Variants in DAB1 observed in about 807,000 individuals in gnomAD.
DAB1 encodes DAB adaptor protein 1.
DAB1 carries 15 observed loss-of-function variants against 64.6 expected under a neutral mutation model. The ratio of observed to expected loss-of-function variants is 0.23; its 90% confidence interval spans 0.16 to 0.36. The LOEUF is 0.36. Ranked by LOEUF, DAB1 falls within the 10% of genes least tolerant of loss-of-function variation. DAB1 has a pLI of 1.00. For missense variants in DAB1, 596 were observed against 706.7 expected, an observed-to-expected ratio of 0.84 and a Z score of 1.78; for synonymous variants, 235 against 251.9, an observed-to-expected ratio of 0.93 and a Z score of 0.64.
intron 6 of DAB1, among the ~76,000 whole-genome samples, chr1:57,686,927 C>G (rs766814552): frequency 2.6e-5 from 4 of 152,154 alleles, no homozygotes; most frequent in Non-Finnish European, 2.9e-5. Flanking sequence ...GACAAACCCA[C>G]AGCCAACATC....
chr1:57,616,934 C>T (rs1440880535), intron 7 of DAB1, among the ~76,000 whole-genome samples: 1 of 152,160 alleles, frequency 6.6e-6, no homozygotes, highest in Non-Finnish European at 1.5e-5. Flanking sequence ...TAGAGCCAAA[C>T]TGTGGAGGAA....
intron 5 of DAB1, among the ~76,000 whole-genome samples, chr1:57,954,102 T>C (rs561239183): frequency 6.6e-5 from 10 of 152,144 alleles, no homozygotes; most frequent in Non-Finnish European, 1.5e-4. Context: ...TCTATGTGCT[T>C]CCAGTGGGGA....
rs147759034 is a variant in DAB1, at chr1:57,038,941, G to T, written c.724-12898C>A. Among the ~76,000 whole-genome samples, 16 of 152,302 alleles carry T rather than the reference G, an allele frequency of 1.1e-4. No individual in the cohort carries two copies. In the South Asian group the frequency reaches 3.1e-3, roughly 30 times the overall value. On this transcript the variant is annotated intron_variant, in intron 9 of 14. Coordinates refer to ENST00000371236, the MANE Select transcript of DAB1 (RefSeq NM_001365792.1). The stretch of plus-strand genomic sequence containing the variant: ...GCTAAGCTGACCTGAACGGGCTAAC[G>T]CAAATGACAGGGCATAGCTGTGGGT...
intron 4 of DAB1, among the ~76,000 whole-genome samples, chr1:57,082,407 G>A (rs1425918600): frequency 6.6e-6 from 1 of 152,164 alleles, no homozygotes; most frequent in Non-Finnish European, 1.5e-5. Context: ...AGACACACGT[G>A]CTTAGAAGTG....
At chr1:57,298,640 GA>G (rs932274853) in intron 1 of DAB1, among the ~76,000 whole-genome samples, 1 of 147,788 alleles carries the variant, frequency 6.8e-6, no homozygotes, top group African/African-American at 2.5e-5. Context: ...CCCACGTTAT[GA>G]AAAAAAAACA....
chr1:57,970,016 T>A (rs78195940), intron 5 of DAB1, among the ~76,000 whole-genome samples: 1,719 of 152,198 alleles, frequency 0.011, 35 homozygotes, highest in African/African-American at 0.04. Flanking sequence ...TCTAATGAGA[T>A]GAAAGAGACT....
At chr1:58,266,658 A>G (rs183474514) in intron 4 of DAB1, among the ~76,000 whole-genome samples, 13 of 152,278 alleles carry the variant, frequency 8.5e-5, no homozygotes, top group African/African-American at 3.1e-4. Flanking sequence ...TTCTCACCCA[A>G]TCCTCCTAAG....
intron 1 of DAB1, chr1:58,539,148 C>T (rs780574526): frequency 4.6e-6 from 4 of 872,948 alleles, no homozygotes; most frequent in East Asian, 2.4e-5. Flanking sequence ...GTCCCTGATA[C>T]TTATTTACTA....
chr1:57,105,249 C>G (rs1489011855), intron 4 of DAB1, among the ~76,000 whole-genome samples: 2 of 151,898 alleles, frequency 1.3e-5, no homozygotes, highest in Non-Finnish European at 2.9e-5. Context: ...ATGGCAAGAA[C>G]ACACTGGGAT....
At chr1:58,394,276 T>C (rs338929) in intron 3 of DAB1, among the ~76,000 whole-genome samples, 10,979 of 152,318 alleles carry the variant, frequency 0.072, 534 homozygotes, top group Non-Finnish European at 0.11. Context: ...TAATGGAGAA[T>C]GCTACAGAAC....
intron 6 of DAB1, among the ~76,000 whole-genome samples, chr1:57,743,659 G>T (rs926094072): frequency 6.6e-6 from 1 of 152,098 alleles, no homozygotes; most frequent in East Asian, 1.9e-4. Context: ...GGTGTGTGCC[G>T]AGCTTCACCT....
At chr1:57,707,174 C>T (rs12037633) in intron 6 of DAB1, among the ~76,000 whole-genome samples, 1 of 152,096 alleles carries the variant, frequency 6.6e-6, no homozygotes, top group African/African-American at 2.4e-5. Flanking sequence ...TCTACTCCAC[C>T]TTATCTAATT....
chr1:57,147,627 C>A (rs142675012), intron 2 of DAB1, among the ~76,000 whole-genome samples: 2 of 152,234 alleles, frequency 1.3e-5, no homozygotes, highest in East Asian at 3.9e-4. Context: ...TGCCATAATA[C>A]ACCTTATATC....
At chr1:57,975,752 G>A (rs902650774) in intron 5 of DAB1, among the ~76,000 whole-genome samples, 2 of 152,180 alleles carry the variant, frequency 1.3e-5, no homozygotes, top group African/African-American at 4.8e-5. Flanking sequence ...AGATGATTAT[G>A]ATGCACAGCA....
chr1:58,230,733 A>C (rs1244322991), intron 4 of DAB1, among the ~76,000 whole-genome samples: 1 of 152,220 alleles, frequency 6.6e-6, no homozygotes, highest in South Asian at 2.1e-4. Context: ...TGCAGCAACA[A>C]AGTAAAAGCA....
At chr1:58,280,922 A>G (rs1297749924) in intron 4 of DAB1, among the ~76,000 whole-genome samples, 1 of 152,214 alleles carries the variant, frequency 6.6e-6, no homozygotes, top group Admixed American at 6.5e-5. Context: ...AAAGAGGCTA[A>G]GAGAAGAGTG....
intron 7 of DAB1, among the ~76,000 whole-genome samples, chr1:57,488,653 G>A (rs1644123847): frequency 6.6e-6 from 1 of 151,646 alleles, no homozygotes; most frequent in African/African-American, 2.4e-5. Flanking sequence ...TCCAGCCTGG[G>A]CAACAAGAGT....
chr1:57,586,869 G>C (rs953822199), intron 7 of DAB1, among the ~76,000 whole-genome samples: 5 of 151,358 alleles, frequency 3.3e-5, no homozygotes, highest in Admixed American at 3.3e-4. Flanking sequence ...AAAAATCAAG[G>C]ATTTTATCTC....
rs117625893 is a variant in DAB1 at position 57,318,450 on chromosome 1, C to T, written c.-136-27284G>A. Reference sequence around the variant, plus strand: ...ACTCTGGTAGATAGAATACCTAACACCTCCACAATCTTGATATACCTCCAT... The same window carrying T: ...ACTCTGGTAGATAGAATACCTAACATCTCCACAATCTTGATATACCTCCAT... On this transcript the variant is annotated intron_variant, in intron 1 of 14. Transcript: ENST00000371236. Among the ~76,000 whole-genome samples, 222 of 152,250 alleles carry T rather than the reference C, an allele frequency of 1.5e-3. 1 individual carries two copies. Among genetic ancestry groups the T allele is most frequent in the East Asian group, 0.01 (52 of 5,170 alleles).
Sources: gnomAD v4.1 joint callset for allele counts (sites outside exome capture counted in the v4.1 genomes callset) on GRCh38, gnomAD v4.1.1 for gene constraint, MANE v1.5 for transcripts, NCBI Gene and HGNC (gene_info 2026-07-23, HGNC 2026-07-21) for gene names.